RGL1: variants seen among roughly 807,000 people sequenced by gnomAD.
The protein encoded by RGL1 is ral guanine nucleotide dissociation stimulator-like 1.
In RGL1, 24 loss-of-function variants were observed where a neutral mutation model predicts 95.2. The ratio of observed to expected loss-of-function variants is 0.25; its 90% confidence interval spans 0.18 to 0.35. The LOEUF is 0.35. Among genes scored for constraint, RGL1 ranks in the 10% least tolerant of loss-of-function variants. The probability of loss-of-function intolerance (pLI) is 1.00; values close to 1 mark genes in which losing one functional copy is unlikely to be tolerated. For missense variants in RGL1, 715 were observed against 936.3 expected (o/e 0.76, Z 3.08); for synonymous variants, 329 against 344.9 (o/e 0.95, Z 0.51).
intron 5 of RGL1, 120 bp from the exon 6 acceptor site, chr1:183,883,666 C>T (rs1666947814): frequency 1.9e-6 from 2 of 1,051,164 alleles, no homozygotes; most frequent in Non-Finnish European, 2.8e-6. Context: ...GGTTGTCTCC[C>T]TGTGGCTGTT....
chr1:183,726,583 G>A (rs1169880524), intron 1 of RGL1, among the ~76,000 whole-genome samples: 1 of 152,044 alleles, frequency 6.6e-6, no homozygotes, highest in Non-Finnish European at 1.5e-5. Context: ...AGAATCAACA[G>A]AAAACCTGAA....
chr1:183,909,928 CG>C (rs1024510241), intron 14 of RGL1, among the ~76,000 whole-genome samples: 1 of 152,068 alleles, frequency 6.6e-6, no homozygotes, highest in African/African-American at 2.4e-5. Flanking sequence ...TTATATTAGA[CG>C]GGTATAGAAT....
chr1:183,849,925 G>T (rs1366834463), intron 3 of RGL1, among the ~76,000 whole-genome samples: 3 of 152,128 alleles, frequency 2.0e-5, no homozygotes, highest in Admixed American at 2.0e-4. Context: ...AGCATTTAAA[G>T]ATTTGAAAGA....
chr1:183,768,399 TA>T (rs1659097799), intron 2 of RGL1, among the ~76,000 whole-genome samples: 1 of 151,812 alleles, frequency 6.6e-6, no homozygotes, highest in Admixed American at 6.6e-5. Context: ...TTACCAGTTC[TA>T]TTCTACCTTA....
At chr1:183,648,948 A>G in intron 1 of RGL1, 1 of 588,004 alleles carries the variant, frequency 1.7e-6, no homozygotes, top group Non-Finnish European at 2.9e-6. Context: ...TTAAAAGCTC[A>G]GGATTCATTA....
chr1:183,793,384 T>A (rs961144150), intron 2 of RGL1, among the ~76,000 whole-genome samples: 3 of 152,082 alleles, frequency 2.0e-5, no homozygotes, highest in African/African-American at 7.2e-5. Flanking sequence ...GGCTAAGACT[T>A]CAAAAGCACA....
rs142232176 is a variant in RGL1, at chr1:183,813,745, C to T, written c.138+7260C>T. On this transcript the variant is annotated intron_variant, in intron 2 of 17. Coordinates refer to ENST00000360851, the MANE Select transcript of RGL1 (RefSeq NM_001297671.3). Reference sequence around the variant, plus strand: ...CAATGTGTTTAAATTCTGTCTGATACTCTTTATCCTAGCAGCTGACATTGC... The same window carrying T: ...CAATGTGTTTAAATTCTGTCTGATATTCTTTATCCTAGCAGCTGACATTGC... Among the ~76,000 whole-genome samples, 369 of 152,292 alleles carry T rather than the reference C, an allele frequency of 2.4e-3. 3 individuals are homozygous for T. Among genetic ancestry groups the T allele is most frequent in the African/African-American group, 8.6e-3 (356 of 41,558 alleles).
intron 2 of RGL1, among the ~76,000 whole-genome samples, chr1:183,796,738 C>T (rs1660721345): frequency 6.6e-6 from 1 of 152,146 alleles, no homozygotes; most frequent in East Asian, 1.9e-4. Flanking sequence ...TATGATTTAG[C>T]TAATTGCCCA....
chr1:183,802,825 T>A (rs1042096131), upstream of RGL1, among the ~76,000 whole-genome samples: 2 of 152,190 alleles, frequency 1.3e-5, no homozygotes, highest in African/African-American at 2.4e-5. Flanking sequence ...CCTGATCTTT[T>A]AACAAAACTT....
intron 2 of RGL1, among the ~76,000 whole-genome samples, chr1:183,812,181 T>C (rs1202962355): frequency 1.3e-5 from 2 of 152,250 alleles, no homozygotes; most frequent in African/African-American, 2.4e-5. Context: ...TACCATCATA[T>C]TCTTTTTACA....
At chr1:183,811,821 A>G (rs1266250735) in intron 2 of RGL1, among the ~76,000 whole-genome samples, 1 of 152,246 alleles carries the variant, frequency 6.6e-6, no homozygotes, top group Non-Finnish European at 1.5e-5. Context: ...ACATAATGGC[A>G]TAAATATAAG....
intron 2 of RGL1, among the ~76,000 whole-genome samples, chr1:183,825,957 G>T (rs1430383241): frequency 6.6e-6 from 1 of 152,104 alleles, no homozygotes; most frequent in Non-Finnish European, 1.5e-5. Context: ...GAGCCCAGGA[G>T]TATGAGACCA....
intron 2 of RGL1, among the ~76,000 whole-genome samples, chr1:183,826,330 T>G (rs1662855034): frequency 6.6e-6 from 1 of 152,170 alleles, no homozygotes; most frequent in Non-Finnish European, 1.5e-5. Flanking sequence ...CAACTCCCTA[T>G]CCTCCATTTC....
intron 2 of RGL1, among the ~76,000 whole-genome samples, chr1:183,773,425 A>G (rs1387748790): frequency 1.3e-5 from 2 of 152,220 alleles, no homozygotes; most frequent in African/African-American, 4.8e-5. Context: ...AAAGGAATGG[A>G]CATATAACCA....
intron 2 of RGL1, among the ~76,000 whole-genome samples, chr1:183,819,800 T>TA (rs1438697767): frequency 6.9e-6 from 1 of 145,668 alleles, no homozygotes; most frequent in Non-Finnish European, 1.5e-5. Flanking sequence ...TTTTTTTTTT[T>TA]AAGAGACAGG....
At chr1:183,876,345 A>G (rs1277516713) in intron 4 of RGL1, among the ~76,000 whole-genome samples, 2 of 152,240 alleles carry the variant, frequency 1.3e-5, no homozygotes, top group African/African-American at 4.8e-5. Flanking sequence ...AGTCGGTTGG[A>G]AAAGAATCAC....
intron 2 of RGL1, 26 bp from the exon 3 acceptor site, chr1:183,847,540 A>T (rs1298784805): frequency 1.3e-6 from 2 of 1,589,402 alleles, no homozygotes; most frequent in Admixed American, 3.4e-5. Context: ...ATTTCTCCTT[A>T]TGGTAATTGT....
At chr1:183,845,008 C>CTGTT (rs1367411745) in intron 2 of RGL1, among the ~76,000 whole-genome samples, 1 of 152,224 alleles carries the variant, frequency 6.6e-6, no homozygotes, top group African/African-American at 2.4e-5. Context: ...AGCAATCCAT[C>CTGTT]TGTTAGTTTC....
chr1:183,684,984 G>T (rs11800751), intron 1 of RGL1, among the ~76,000 whole-genome samples: 2 of 152,138 alleles, frequency 1.3e-5, no homozygotes, highest in Non-Finnish European at 2.9e-5. Flanking sequence ...AAAATCACCC[G>T]CCTTCTGCGT....
Sources: gnomAD v4.1 joint callset for allele counts (sites outside exome capture counted in the v4.1 genomes callset) on GRCh38, gnomAD v4.1.1 for gene constraint, MANE v1.5 for transcripts, NCBI Gene and HGNC (gene_info 2026-07-23, HGNC 2026-07-21) for gene names.